The following COL22A1 variants were observed in gnomAD, a reference collection of about 807,000 sequenced individuals.
The protein encoded by COL22A1 is collagen type XXII alpha 1 chain, also known as collagen alpha-1(XXII) chain.
Under a neutral mutation model 248.9 loss-of-function variants are expected in COL22A1, and 221 were observed. The ratio of observed to expected loss-of-function variants is 0.89; its 90% CI spans 0.80 to 0.99. The LOEUF is 0.99. COL22A1 is among the 50% of genes least tolerant of loss of function. The pLI, the probability that COL22A1 is intolerant of heterozygous loss-of-function variation, is 0.00. For synonymous variants in COL22A1, 891 were observed against 793.4 expected (o/e 1.12, Z -2.07); for missense variants, 2,240 against 2,179.0 (o/e 1.03, Z -0.56).
chr8:138,704,114 C>CTGGG (rs1828202390), intron 30 of COL22A1, among the ~76,000 whole-genome samples: 1 of 152,304 alleles, frequency 6.6e-6, no homozygotes, highest in African/African-American at 2.4e-5. Context: ...AGTAGGTAAA[C>CTGGG]AAAGCAGCCG....
At chr8:138,622,956 G>C (rs1236005090) in intron 52 of COL22A1, among the ~76,000 whole-genome samples, 1 of 151,866 alleles carries the variant, frequency 6.6e-6, no homozygotes, top group Non-Finnish European at 1.5e-5. Context: ...GCTTTGGGAA[G>C]ACCTAAGAGG....
intron 11 of COL22A1, 118 bp from the exon 12 acceptor site, chr8:138,796,975 C>T: frequency 2.7e-6 from 2 of 747,886 alleles, no homozygotes; most frequent in Non-Finnish European, 4.8e-6. Flanking sequence ...CAGCTCTGCC[C>T]AGTAGCCACT....
intron 22 of COL22A1, among the ~76,000 whole-genome samples, chr8:138,748,296 T>G (rs1005371026): frequency 1.8e-4 from 28 of 152,172 alleles, no homozygotes; most frequent in African/African-American, 6.0e-4. Flanking sequence ...TGCACTGAGC[T>G]CCTTAGCCGA....
At chr8:138,882,932 G>T in intron 2 of COL22A1, 150 bp downstream of exon 2, 1 of 701,882 alleles carries the variant, frequency 1.4e-6, no homozygotes, top group Non-Finnish European at 2.3e-6. Flanking sequence ...TTAGAAGGCA[G>T]CTGACTCACA....
intron 39 of COL22A1, among the ~76,000 whole-genome samples, chr8:138,681,295 A>G (rs1403715632): frequency 6.6e-6 from 1 of 151,870 alleles, no homozygotes; most frequent in East Asian, 1.9e-4. Flanking sequence ...TTTCCCCCAG[A>G]CTCTGCCTGT....
At chr8:138,875,017 A>G (rs1339745050) in intron 3 of COL22A1, among the ~76,000 whole-genome samples, 1 of 152,106 alleles carries the variant, frequency 6.6e-6, no homozygotes, top group Admixed American at 6.5e-5. Context: ...TAAAACCTTC[A>G]TCAGAGTCTC....
intron 13 of COL22A1, among the ~76,000 whole-genome samples, chr8:138,780,460 G>A (rs1265421204): frequency 6.6e-6 from 1 of 152,186 alleles, no homozygotes; most frequent in African/African-American, 2.4e-5. Context: ...TTGAGCTTGG[G>A]TTGCTGGAGG....
At position 138,782,955 on chromosome 8, in the gene COL22A1, A is replaced by G. The variant is rs533175953; in HGVS notation, c.1597-1975T>C. Among the ~76,000 whole-genome samples, 8 of 152,278 alleles carry G rather than the reference A, an allele frequency of 5.3e-5. No individual in the cohort carries two copies. In the South Asian group the frequency reaches 1.7e-3, roughly 32 times the overall value. On this transcript the variant is annotated intron_variant, in intron 12 of 64. Transcript: ENST00000303045. ...CTCTGCTGCCCTTACCTGACAATTC[A>G]ACAGCAGAGACAAAGGGACTGTGCA...
At chr8:138,733,101 A>T (rs1321934425) in intron 23 of COL22A1, among the ~76,000 whole-genome samples, 1 of 152,134 alleles carries the variant, frequency 6.6e-6, no homozygotes, top group Admixed American at 6.5e-5. Flanking sequence ...GCCCAGGCCC[A>T]CAGCCCACCC....
intron 63 of COL22A1, among the ~76,000 whole-genome samples, chr8:138,593,731 A>C (rs1817284255): frequency 6.6e-6 from 1 of 152,226 alleles, no homozygotes; most frequent in Non-Finnish European, 1.5e-5. Flanking sequence ...AAAAGGAGGC[A>C]TGTTGTTTAC....
chr8:138,828,284 T>G (rs1819757819), intron 5 of COL22A1, among the ~76,000 whole-genome samples: 1 of 151,956 alleles, frequency 6.6e-6, no homozygotes, highest in African/African-American at 2.4e-5. Flanking sequence ...GTGGGAGCTG[T>G]CCCAAGCCTT....
intron 31 of COL22A1, among the ~76,000 whole-genome samples, chr8:138,700,785 C>A (rs1224157125): frequency 6.6e-6 from 1 of 152,074 alleles, no homozygotes; most frequent in Non-Finnish European, 1.5e-5. Flanking sequence ...GAGATTGAGA[C>A]CGCCCTGGCT....
At chr8:138,797,035 A>G (rs1282395182) in intron 11 of COL22A1, among the ~76,000 whole-genome samples, 178 bp from the exon 12 acceptor site, 1 of 152,238 alleles carries the variant, frequency 6.6e-6, no homozygotes, top group Non-Finnish European at 1.5e-5. Context: ...CATGAGTATC[A>G]TCTCACTTAA....
intron 25 of COL22A1, among the ~76,000 whole-genome samples, chr8:138,723,513 C>G (rs1384730488): frequency 6.6e-6 from 1 of 152,194 alleles, no homozygotes; most frequent in Non-Finnish European, 1.5e-5. Context: ...CTCTAACACG[C>G]TCCCCTCCTC....
chr8:138,700,271 T>C (rs1045333813), intron 31 of COL22A1, 127 bp from the exon 32 acceptor site: 1 of 824,844 alleles, frequency 1.2e-6, no homozygotes, highest in African/African-American at 1.7e-5. Flanking sequence ...GAACGATTAT[T>C]AGTTTTGACA....
intron 41 of COL22A1, among the ~76,000 whole-genome samples, chr8:138,664,625 C>T (rs985496138): frequency 5.3e-5 from 8 of 152,122 alleles, no homozygotes; most frequent in African/African-American, 2.4e-5. Context: ...ATTGTTACTG[C>T]CTGTTGGTCC....
At chr8:138,791,940 AT>A (rs2131585476) in intron 12 of COL22A1, among the ~76,000 whole-genome samples, 1 of 152,258 alleles carries the variant, frequency 6.6e-6, no homozygotes, top group East Asian at 1.9e-4. Flanking sequence ...ATACTGTGAA[AT>A]CTGAGCAGAA....
At chr8:138,682,658 C>T (rs1351131462) in intron 39 of COL22A1, among the ~76,000 whole-genome samples, 3 of 152,132 alleles carry the variant, frequency 2.0e-5, no homozygotes, top group African/African-American at 7.2e-5. Flanking sequence ...CCTTCTTCAA[C>T]TTCTTCCCCT....
chr8:138,768,474 G>A (rs1467421023), intron 16 of COL22A1, among the ~76,000 whole-genome samples: 2 of 152,222 alleles, frequency 1.3e-5, no homozygotes, highest in East Asian at 3.9e-4. Flanking sequence ...ACATGCAGGT[G>A]CTCCTCTTTC....
Sources: gnomAD v4.1 joint callset for allele counts (sites outside exome capture counted in the v4.1 genomes callset) on GRCh38, gnomAD v4.1.1 for gene constraint, MANE v1.5 for transcripts, NCBI Gene and HGNC (gene_info 2026-07-23, HGNC 2026-07-21) for gene names.